The following POLD3 variants were observed in gnomAD, a reference collection of about 807,000 sequenced individuals.
POLD3 encodes the protein DNA polymerase delta subunit 3.
A neutral mutation model predicts 58.2 loss-of-function variants in POLD3; 19 were observed. The ratio of observed to expected loss-of-function variants is 0.33; its 90% CI spans 0.23 to 0.48. POLD3 has a LOEUF of 0.48. POLD3 is among the 20% of genes least tolerant of loss of function. The pLI, the probability that POLD3 is intolerant of heterozygous loss-of-function variation, is 0.99. For missense variants in POLD3, 504 were observed against 545.5 expected, an observed-to-expected ratio of 0.92 and a Z score of 0.76; for synonymous variants, 172 against 193.5, an observed-to-expected ratio of 0.89 and a Z score of 0.92.
At chr11:74,660,901 T>G (rs2033198409) in intron 4 of POLD3, among the ~76,000 whole-genome samples, 1 of 152,050 alleles carries the variant, frequency 6.6e-6, no homozygotes, top group South Asian at 2.1e-4. Context: ...CTAATACATC[T>G]CCTCTGACTG....
At chr11:74,662,738 A>G (rs1415697594) in intron 4 of POLD3, among the ~76,000 whole-genome samples, 3 of 152,088 alleles carry the variant, frequency 2.0e-5, no homozygotes, top group Non-Finnish European at 4.4e-5. Flanking sequence ...GCCCAGCACA[A>G]CACTAAGACT....
At chr11:74,610,784 C>CT (rs1192728837) in intron 3 of POLD3, among the ~76,000 whole-genome samples, 9 of 151,442 alleles carry the variant, frequency 5.9e-5, no homozygotes, top group South Asian at 2.1e-4. Flanking sequence ...GTGTTCTTCT[C>CT]TTTTTTTTGA....
intron 7 of POLD3, among the ~76,000 whole-genome samples, chr11:74,623,722 G>GT: frequency 6.6e-6 from 1 of 152,246 alleles, no homozygotes; most frequent in Middle Eastern, 3.4e-3. Context: ...GCTTGAAAAG[G>GT]TTTCGTGTTT....
intron 2 of POLD3, among the ~76,000 whole-genome samples, chr11:74,603,461 G>C (rs1400028021): frequency 6.6e-6 from 1 of 152,102 alleles, no homozygotes; most frequent in Non-Finnish European, 1.5e-5. Flanking sequence ...AATAAACCGA[G>C]GAAAATATGT....
intron 4 of POLD3, among the ~76,000 whole-genome samples, chr11:74,668,080 G>A (rs1189925453): frequency 6.6e-6 from 1 of 152,234 alleles, no homozygotes; most frequent in Non-Finnish European, 1.5e-5. Context: ...ACAATAGCAA[G>A]TGTTAATGTG....
rs539889212 is a variant in POLD3 at position 74,640,729 on chromosome 11, G to A, written c.1364G>A (p.Arg455Lys). 2 of 1,607,864 alleles carry A rather than the reference G, an allele frequency of 1.2e-6. No homozygotes were observed. The highest frequency in any genetic ancestry group is 2.2e-5 in the South Asian group (2 of 89,864). The change falls in exon 12 of 12, where the codon AGA (arginine) becomes AAA (lysine). Residue 455 changes from arginine to lysine, a missense_variant. Transcript: ENST00000263681. Reference protein sequence around the residue: ...KGTAALGKANRQVSITGFFQR... With the variant: ...KGTAALGKANKQVSITGFFQR... ...ACTGCTGCTCTGGGCAAAGCCAACA[G>A]ACAGGTGTCCATTACTGGCTTCTTC...
At chr11:74,611,688 T>G (rs1232181699) in intron 4 of POLD3, 150 bp downstream of exon 4, 1 of 601,540 alleles carries the variant, frequency 1.7e-6, no homozygotes, top group African/African-American at 2.0e-5. Flanking sequence ...TTAAAGCATG[T>G]TAAAATATGA....
intron 2 of POLD3, among the ~76,000 whole-genome samples, chr11:74,602,087 A>C (rs770616413): frequency 6.6e-6 from 1 of 152,092 alleles, no homozygotes; most frequent in Non-Finnish European, 1.5e-5. Flanking sequence ...AAGCTACTGA[A>C]AGCTTTGTTA....
intron 4 of POLD3, among the ~76,000 whole-genome samples, chr11:74,649,131 A>C (rs568053478): frequency 8.5e-5 from 13 of 152,098 alleles, no homozygotes; most frequent in Non-Finnish European, 1.8e-4. Context: ...ACATACACAC[A>C]CTGATTCAGA....
rs978938843 is a variant in POLD3 at position 74,592,649 on chromosome 11, C to T, written c.-10C>T. On this transcript the variant is annotated 5_prime_UTR_variant, in exon 1 of 12. Coordinates refer to ENST00000263681, the MANE Select transcript of POLD3 (RefSeq NM_006591.3). Reference sequence around the variant, plus strand: ...GAGGGGTTAGAGGCGGGTCCCAGCGCTGCCGCACCATGGCGGACCAGCTTT... The same window carrying T: ...GAGGGGTTAGAGGCGGGTCCCAGCGTTGCCGCACCATGGCGGACCAGCTTT... The T allele has an allele frequency of 6.2e-7, 1 of 1,607,868 alleles. No individual in the cohort carries two copies. The highest frequency in any genetic ancestry group is 8.5e-7 in the Non-Finnish European group (1 of 1,176,894).
chr11:74,599,091 A>C (rs1024244818), intron 2 of POLD3, among the ~76,000 whole-genome samples: 2 of 152,276 alleles, frequency 1.3e-5, no homozygotes, highest in Middle Eastern at 3.4e-3. Context: ...GGAGTGCAGT[A>C]GTTCAAACAT....
chr11:74,631,096 C>A (rs991353179), intron 9 of POLD3, among the ~76,000 whole-genome samples: 1 of 152,210 alleles, frequency 6.6e-6, no homozygotes, highest in African/African-American at 2.4e-5. Flanking sequence ...TCTTAAATTT[C>A]ATCTTTGTAT....
rs1336266317 is a variant in POLD3, at chr11:74,633,658, C to T, written c.1007-925C>T. On this transcript the variant is annotated intron_variant, in intron 9 of 11. Coordinates refer to ENST00000263681, the MANE Select transcript of POLD3 (RefSeq NM_006591.3). ...GGTCAGTTGAGGATTTTTACTTCCC[C>T]TCTCATGGGCTGTTTACTAAGACCA... is the stretch of plus-strand genomic sequence containing the variant. Among the ~76,000 whole-genome samples, 4 of 152,200 alleles carry T rather than the reference C, an allele frequency of 2.6e-5. No homozygotes were observed. In the East Asian group the frequency reaches 7.7e-4, roughly 29 times the overall value.
Position 74,611,507 on chromosome 11 carries a change from G to A in POLD3, c.228G>A (p.Lys76=). 6.4e-7 allele frequency: 1 copy of A among 1,561,330 alleles called. No individual in the cohort carries two copies. Among genetic ancestry groups the A allele is most frequent in the Non-Finnish European group, 8.7e-7 (1 of 1,147,240 alleles). The change falls in exon 4 of 12, where the codon AAG becomes AAA. Residue 76 remains lysine (K), a synonymous_variant. Transcript: ENST00000263681. ...SLIQNGHSCH[K]VAVVREDKLE... is the part of the protein sequence containing the mutation. The stretch of plus-strand genomic sequence containing the variant: ...GTGTTATTTTCTTACAGTGCCACAA[G>A]GTTGCAGTAGTGAGAGAAGATAAAT...
chr11:74,622,157 G>A (rs1271155122), intron 7 of POLD3, among the ~76,000 whole-genome samples: 1 of 151,984 alleles, frequency 6.6e-6, no homozygotes, highest in Non-Finnish European at 1.5e-5. Context: ...TACTGAGAAT[G>A]ATGATTTCCA....
In POLD3 at chr11:74,643,044, C is replaced by A; in HGVS notation, c.*2278C>A. ...CCTCAAGTTCTTTATCAAAATAAAA[C>A]TAAAATGAGTTACCAAGGGTGTCAA... On this transcript the variant is annotated 3_prime_UTR_variant, in exon 12 of 12. Transcript: ENST00000263681. 1 of 556,464 alleles carries A rather than the reference C, an allele frequency of 1.8e-6. No individual in the cohort carries two copies. The highest frequency in any genetic ancestry group is 2.3e-6 in the Non-Finnish European group (1 of 438,336). 34.5% of individuals were successfully genotyped at this position (556,464 alleles called of 1,614,324 possible). A position where few individuals can be genotyped will look rare whatever the true frequency, so the allele number is the denominator to read the frequency against.
In POLD3 at chr11:74,642,044, C is replaced by T; in HGVS notation, c.*1278C>T. 2 of 985,484 alleles carry T rather than the reference C, an allele frequency of 2.0e-6. No homozygotes were observed. The highest frequency in any genetic ancestry group is 2.4e-6 in the Non-Finnish European group (2 of 829,942). 61.0% of individuals were successfully genotyped at this position (985,484 alleles called of 1,614,324 possible). A position where few individuals can be genotyped will look rare whatever the true frequency, so the allele number is the denominator to read the frequency against. On this transcript the variant is annotated 3_prime_UTR_variant, in exon 12 of 12. Transcript: ENST00000263681. ...GCTCTGCGGAAGGGGTCAGGCTCAA[C>T]TGCTGATGTGTCTCACACGTAGCAG...
chr11:74,632,401 G>A (rs906679909), intron 9 of POLD3, among the ~76,000 whole-genome samples: 5 of 152,190 alleles, frequency 3.3e-5, no homozygotes, highest in African/African-American at 7.2e-5. Context: ...ATACACCAGT[G>A]CATTGGACAT....
chr11:74,608,485 C>T (rs890697180), intron 3 of POLD3, among the ~76,000 whole-genome samples: 33 of 152,060 alleles, frequency 2.2e-4, no homozygotes, highest in African/African-American at 7.2e-4. Context: ...CCGTGTTTTC[C>T]CTGTTATGCT....
Sources: allele counts gnomAD v4.1 joint callset (sites outside exome capture counted in the v4.1 genomes callset), GRCh38; gene constraint gnomAD v4.1.1; transcripts MANE v1.5; gene names NCBI Gene and HGNC (gene_info 2026-07-23, HGNC 2026-07-21).